ADAMTS14: variants seen among roughly 807,000 people sequenced by gnomAD.
The protein encoded by ADAMTS14 is A disintegrin and metalloproteinase with thrombospondin motifs 14.
Under a neutral mutation model 128.6 loss-of-function variants are expected in ADAMTS14, and 100 were observed. The observed-to-expected ratio is 0.78, with a 90% CI of 0.66 to 0.92. The LOEUF is 0.92. Among genes scored for constraint, ADAMTS14 ranks in the 40% least tolerant of loss-of-function variants. The pLI is 0.00. For synonymous variants in ADAMTS14, 665 were observed against 653.8 expected, an observed-to-expected ratio of 1.02 and a Z score of -0.26; for missense variants, 1,562 against 1,658.6, an observed-to-expected ratio of 0.94 and a Z score of 1.01.
In ADAMTS14 at chr10:70,702,314, G is replaced by C; in HGVS notation, c.525G>C (p.Ala175=). 6.2e-7 allele frequency: 1 copy of C among 1,614,118 alleles called. No homozygotes were observed. Among genetic ancestry groups the C allele is most frequent in the Admixed American group, 1.7e-5 (1 of 60,016 alleles). ...GCTGCTTGCCGTCCCTGGTTCAGGCGGGCCTCATCCGCACAGACAGCACCG... is the reference window on the plus strand; with the variant it reads ...GCTGCTTGCCGTCCCTGGTTCAGGCCGGCCTCATCCGCACAGACAGCACCG... ...AVAISNCDGL[A]GLIRTDSTDF... is the part of the protein sequence containing the mutation. The change falls in exon 3 of 22, where the codon GCG becomes GCC. Residue 175 remains alanine (A), a splice_region_variant and synonymous_variant. Coordinates refer to ENST00000373207, the MANE Select transcript of ADAMTS14 (RefSeq NM_080722.4).
At chr10:70,715,461 A>G (rs1444657872) in intron 4 of ADAMTS14, among the ~76,000 whole-genome samples, 2 of 152,050 alleles carry the variant, frequency 1.3e-5, no homozygotes, top group African/African-American at 4.8e-5. Flanking sequence ...TTCCAGACCC[A>G]CTGAGTGGCC....
chr10:70,683,886 G>T (rs778313447), intron 2 of ADAMTS14, among the ~76,000 whole-genome samples: 3 of 152,216 alleles, frequency 2.0e-5, no homozygotes, highest in Non-Finnish European at 4.4e-5. Context: ...CACTCCAACA[G>T]GGGGAAGGTG....
At chr10:70,687,281 T>G (rs74637087) in intron 2 of ADAMTS14, among the ~76,000 whole-genome samples, 35 of 71,460 alleles carry the variant, frequency 4.9e-4, no homozygotes, top group African/African-American at 6.4e-4. Context: ...TGGCCGGGCG[T>G]GGGGCTGACA....
At chr10:70,710,994 A>G (rs1840838176) in intron 4 of ADAMTS14, among the ~76,000 whole-genome samples, 1 of 152,172 alleles carries the variant, frequency 6.6e-6, no homozygotes, top group Admixed American at 6.5e-5. Context: ...ACAGCCCCTT[A>G]ATGTCTCTGG....
Position 70,757,900 on chromosome 10 carries a change from TTTC to T in ADAMTS14, c.2938-57_2938-55del. Reference sequence around the variant, plus strand: ...TGGGCTCTGAGCTCACTGACTCGTCTTTCTTCTCTCCACCTACCCTGACCCCGG... The same window carrying T: ...TGGGCTCTGAGCTCACTGACTCGTCTTTCTCTCCACCTACCCTGACCCCGG... On this transcript the variant is annotated intron_variant, in intron 19 of 21. Transcript: ENST00000373207. 3 of 1,528,262 alleles carry T rather than the reference TTTC, an allele frequency of 2.0e-6. No individual in the cohort carries two copies. The East Asian group carries it at 6.8e-5, about 35-fold the overall frequency. The allele number at this position is 1,528,262 out of a possible 1,614,324, so 94.7% of individuals were successfully genotyped here. A position where few individuals can be genotyped will look rare whatever the true frequency, so the allele number is the denominator to read the frequency against.
At position 70,729,345 on chromosome 10, in the gene ADAMTS14, C is replaced by T. The variant is rs754798907; in HGVS notation, c.922C>T (p.Leu308Phe). ...CCTGGGGGTTCATATAAATATTGCC[C>T]TCGTCCGCTTGATCATGGTTGGCTA... ...ESLGVHINIA[L>F]VRLIMVGYRQ... Residue 308 changes from leucine (L) to phenylalanine (F), a missense_variant, in exon 5 of 22, where the codon CTC becomes TTC. Coordinates refer to ENST00000373207, the MANE Select transcript of ADAMTS14 (RefSeq NM_080722.4). The T allele has an allele frequency of 3.7e-6, 6 of 1,613,764 alleles. No homozygotes were observed. Among genetic ancestry groups the T allele is most frequent in the African/African-American group, 1.3e-5 (1 of 74,854 alleles).
intron 4 of ADAMTS14, among the ~76,000 whole-genome samples, chr10:70,727,052 G>A (rs1344259816): frequency 6.6e-6 from 1 of 152,226 alleles, no homozygotes; most frequent in African/African-American, 2.4e-5. Flanking sequence ...TGCCAGGAAG[G>A]CCCATGGCTG....
chr10:70,697,465 C>A (rs1840362814), intron 2 of ADAMTS14, among the ~76,000 whole-genome samples: 1 of 152,254 alleles, frequency 6.6e-6, no homozygotes, highest in South Asian at 2.1e-4. Flanking sequence ...CTCTTCTGTG[C>A]TCCTCTTGGA....
chr10:70,758,107 T>C lies in ADAMTS14; in HGVS notation c.3067+16T>C. 1.2e-6 allele frequency: 2 copies of C among 1,612,144 alleles called. No homozygotes were observed. Among genetic ancestry groups the C allele is most frequent in the East Asian group, 2.2e-5 (1 of 44,854 alleles). On this transcript the variant is annotated intron_variant, in intron 20 of 21. Coordinates refer to ENST00000373207, the MANE Select transcript of ADAMTS14 (RefSeq NM_080722.4). The stretch of plus-strand genomic sequence containing the variant: ...GCCTGTGGAGGTGAGCCAGAGGGGA[T>C]GGGGAGGCCAGGTCCAGTCCCTTGG...
chr10:70,678,040 T>C (rs1406196194), intron 2 of ADAMTS14, among the ~76,000 whole-genome samples: 1 of 152,180 alleles, frequency 6.6e-6, no homozygotes, highest in African/African-American at 2.4e-5. Context: ...AAAATGAAAG[T>C]GACACAGATA....
chr10:70,719,750 G>A (rs972666571), intron 4 of ADAMTS14, among the ~76,000 whole-genome samples: 5 of 152,204 alleles, frequency 3.3e-5, no homozygotes, highest in African/African-American at 1.2e-4. Flanking sequence ...TCAAGCACAT[G>A]CTATGGGCCA....
In ADAMTS14 at chr10:70,674,929, T is replaced by C. The variant is rs1490281100; in HGVS notation, c.456T>C (p.Cys152=). 2 of 1,613,252 alleles carry C rather than the reference T, an allele frequency of 1.2e-6. No homozygotes were observed. Among genetic ancestry groups the C allele is most frequent in the Admixed American group, 1.7e-5 (1 of 60,024 alleles). ...TCCGGCAGCCCTTACGGCAGGAGTGTGTGTACACTGGAGGTGTCACTGGAA... is the reference window on the plus strand; with the variant it reads ...TCCGGCAGCCCTTACGGCAGGAGTGCGTGTACACTGGAGGTGTCACTGGAA... ...ELFRQPLRQE[C]VYTGGVTGMP... The change falls in exon 2 of 22, where the codon TGT becomes TGC. Residue 152 remains cysteine, a synonymous_variant. Transcript: ENST00000373207.
intron 3 of ADAMTS14, among the ~76,000 whole-genome samples, chr10:70,705,454 C>T (rs1306152494): frequency 6.6e-6 from 1 of 152,230 alleles, no homozygotes; most frequent in African/African-American, 2.4e-5. Flanking sequence ...GCTTTACAAG[C>T]AATTGAGATA....
chr10:70,708,589 C>A lies in ADAMTS14; in HGVS notation c.681C>A (p.Ala227=). ...AEPDGDLHNE[A]FGLGDLPNLL... ...ACTCTCTTCCTGTCTTGGTTCCAGC[C>A]TTTGGCCTGGGAGACCTTCCCAACC... The change falls in exon 4 of 22, where the codon GCC becomes GCA. Residue 227 remains alanine (A), a splice_region_variant and synonymous_variant. Coordinates refer to ENST00000373207, the MANE Select transcript of ADAMTS14 (RefSeq NM_080722.4). The A allele has an allele frequency of 6.2e-7, 1 of 1,602,726 alleles. No homozygotes were observed.
chr10:70,722,792 A>T (rs976669413), intron 4 of ADAMTS14, among the ~76,000 whole-genome samples: 1 of 152,234 alleles, frequency 6.6e-6, no homozygotes, highest in Non-Finnish European at 1.5e-5. Context: ...TAAAATAGAT[A>T]AAAGTCCATA....
intron 15 of ADAMTS14, among the ~76,000 whole-genome samples, chr10:70,745,951 A>G (rs1373114108): frequency 1.3e-5 from 2 of 152,196 alleles, no homozygotes; most frequent in African/African-American, 2.4e-5. Context: ...TATCTGTCAC[A>G]TAGTCCTCAG....
Position 70,758,294 on chromosome 10 carries a change from A to T in ADAMTS14, c.3178+9A>T. The T allele has an allele frequency of 1.2e-6, 2 of 1,612,474 alleles. No individual in the cohort carries two copies. The highest frequency in any genetic ancestry group is 2.2e-5 in the South Asian group (2 of 90,824). On this transcript the variant is annotated intron_variant, in intron 21 of 21. Transcript: ENST00000373207. ...TAACAAGATATCATCAAGTAAGTACAGTCTATGGACCCTACCCTGCTCCCC... is the reference window on the plus strand; with the variant it reads ...TAACAAGATATCATCAAGTAAGTACTGTCTATGGACCCTACCCTGCTCCCC...
rs546543010 is a variant in ADAMTS14 at position 70,682,734 on chromosome 10, C to T, written c.522+7739C>T. On this transcript the variant is annotated intron_variant, in intron 2 of 21. Coordinates refer to ENST00000373207, the MANE Select transcript of ADAMTS14 (RefSeq NM_080722.4). Reference sequence around the variant, plus strand: ...AAGAGCACCCCATTTTTCTGGCTGCCACTCCCAGAGGGGTCTCTGGGTTTT... The same window carrying T: ...AAGAGCACCCCATTTTTCTGGCTGCTACTCCCAGAGGGGTCTCTGGGTTTT... Among the ~76,000 whole-genome samples the T allele has an allele frequency of 1.2e-3, 179 of 152,206 alleles. 1 individual carries two copies. Among genetic ancestry groups the T allele is most frequent in the Non-Finnish European group, 2.1e-3 (140 of 68,004 alleles).
chr10:70,682,882 A>G (rs1839853409), intron 2 of ADAMTS14, among the ~76,000 whole-genome samples: 1 of 152,170 alleles, frequency 6.6e-6, no homozygotes, highest in South Asian at 2.1e-4. Flanking sequence ...TGTAGTTCCC[A>G]GAGGTGCAGG....
Sources: gnomAD v4.1 joint callset for allele counts (sites outside exome capture counted in the v4.1 genomes callset) on GRCh38, gnomAD v4.1.1 for gene constraint, MANE v1.5 for transcripts, NCBI Gene and HGNC (gene_info 2026-07-23, HGNC 2026-07-21) for gene names.